HPSE2: variants seen among roughly 807,000 people sequenced by gnomAD.
HPSE2 encodes the protein heparanase 2 (inactive).
Under a neutral mutation model 60.5 loss-of-function variants are expected in HPSE2, and 38 were observed. The observed-to-expected ratio is 0.63, with a 90% confidence interval of 0.48 to 0.82. HPSE2 has a LOEUF of 0.82. HPSE2 is among the 40% of genes least tolerant of loss of function. The pLI, the probability that HPSE2 is intolerant of heterozygous loss-of-function variation, is 0.00. For synonymous variants in HPSE2, 295 were observed against 293.2 expected, an observed-to-expected ratio of 1.01 and a Z score of -0.06; for missense variants, 713 against 740.4, an observed-to-expected ratio of 0.96 and a Z score of 0.43.
At chr10:98,873,041 C>T (rs1952776677) in intron 3 of HPSE2, among the ~76,000 whole-genome samples, 1 of 152,058 alleles carries the variant, frequency 6.6e-6, no homozygotes, top group Non-Finnish European at 1.5e-5. Flanking sequence ...ACTTGGTCAT[C>T]TTAGAGCCAT....
In HPSE2 at chr10:98,619,877, T is replaced by C. The variant is rs192138159; in HGVS notation, c.1205+725A>G. On this transcript the variant is annotated intron_variant, in intron 8 of 11. Coordinates refer to ENST00000370552, the MANE Select transcript of HPSE2 (RefSeq NM_021828.5). ...TCATTTTTCTTTTGTAGACAGACCATGTGAGGAAGAAAGGCAGGTGGTCTA... is the reference window on the plus strand; with the variant it reads ...TCATTTTTCTTTTGTAGACAGACCACGTGAGGAAGAAAGGCAGGTGGTCTA... 2.0e-3 allele frequency among the ~76,000 whole-genome samples: 303 copies of C among 152,332 alleles called. 2 individuals are homozygous for C. Among genetic ancestry groups the C allele is most frequent in the Non-Finnish European group, 2.0e-3 (138 of 68,014 alleles).
At chr10:98,662,438 A>G (rs1176983379) in intron 6 of HPSE2, among the ~76,000 whole-genome samples, 1 of 152,244 alleles carries the variant, frequency 6.6e-6, no homozygotes, top group East Asian at 1.9e-4. Flanking sequence ...CATCATCCTT[A>G]GCAAACAAAC....
At chr10:98,566,966 T>C (rs1463008588) in intron 9 of HPSE2, among the ~76,000 whole-genome samples, 1 of 152,180 alleles carries the variant, frequency 6.6e-6, no homozygotes, top group Non-Finnish European at 1.5e-5. Context: ...CCCAAGGAAG[T>C]AGTGAGTTCT....
chr10:99,240,660 C>A (rs150664850), upstream of HPSE2, among the ~76,000 whole-genome samples: 1 of 152,140 alleles, frequency 6.6e-6, no homozygotes, highest in African/African-American at 2.4e-5. Flanking sequence ...GATCTGCCCG[C>A]CTCGGCTTCC....
intron 3 of HPSE2, among the ~76,000 whole-genome samples, chr10:98,753,447 T>C (rs1212101032): frequency 6.6e-6 from 1 of 152,076 alleles, no homozygotes; most frequent in Non-Finnish European, 1.5e-5. Flanking sequence ...TACTTGTACA[T>C]CAATGTTAAT....
intron 3 of HPSE2, among the ~76,000 whole-genome samples, chr10:99,082,629 C>T (rs750042773): frequency 6.6e-6 from 1 of 152,136 alleles, no homozygotes; most frequent in Admixed American, 6.5e-5. Context: ...TTCACTAGAA[C>T]GTTGGCTCCA....
chr10:98,982,561 A>C (rs959485142), intron 3 of HPSE2, among the ~76,000 whole-genome samples: 2 of 152,304 alleles, frequency 1.3e-5, no homozygotes, highest in East Asian at 3.9e-4. Context: ...GGAGCTTTTA[A>C]GCAGCTAAAA....
At chr10:99,061,317 A>G (rs932689964) in intron 3 of HPSE2, among the ~76,000 whole-genome samples, 9 of 152,206 alleles carry the variant, frequency 5.9e-5, no homozygotes, top group African/African-American at 2.2e-4. Context: ...CCCCTACACC[A>G]AGTCCTCAAG....
intron 6 of HPSE2, among the ~76,000 whole-genome samples, chr10:98,667,398 G>A (rs1947392658): frequency 6.6e-6 from 1 of 151,984 alleles, no homozygotes; most frequent in Non-Finnish European, 1.5e-5. Flanking sequence ...AAAAATAAAG[G>A]CGGAGGATCT....
chr10:98,495,398 T>C (rs1227071459), intron 9 of HPSE2, among the ~76,000 whole-genome samples: 1 of 152,200 alleles, frequency 6.6e-6, no homozygotes, highest in Non-Finnish European at 1.5e-5. Context: ...ATTGAGCTTC[T>C]TGGATGTTTA....
intron 3 of HPSE2, among the ~76,000 whole-genome samples, chr10:99,111,056 T>C (rs1487152889): frequency 6.6e-6 from 1 of 152,132 alleles, no homozygotes; most frequent in Non-Finnish European, 1.5e-5. Context: ...TCTGGTGCCA[T>C]GTGTCAAAAA....
rs56393224 is a variant in HPSE2 at position 99,168,087 on chromosome 10, TACACACACAC to T, written c.449-23698_449-23689del. Among the ~76,000 whole-genome samples, 644 of 144,332 alleles carry T rather than the reference TACACACACAC, an allele frequency of 4.5e-3. 3 individuals carry two copies. The highest frequency in any genetic ancestry group is 6.9e-3 in the Middle Eastern group (2 of 288). 94.7% of individuals were successfully genotyped at this position (144,332 alleles called of 152,430 possible). On this transcript the variant is annotated intron_variant, in intron 2 of 11. Transcript: ENST00000370552. ...CATCTATTGAGGTGATCAGCCTATTTACACACACACACACACACACACACACACACACACA... is the reference window on the plus strand; with the variant it reads ...CATCTATTGAGGTGATCAGCCTATTTACACACACACACACACACACACACA...
At chr10:98,960,322 T>C (rs547560082) in intron 3 of HPSE2, among the ~76,000 whole-genome samples, 3 of 152,304 alleles carry the variant, frequency 2.0e-5, no homozygotes, top group Admixed American at 6.5e-5. Context: ...ACTACCTAGA[T>C]AGAATTTAAT....
chr10:98,960,701 C>CTTTTTTTTTTTTTTTTTTTTTTTTTT, intron 3 of HPSE2, among the ~76,000 whole-genome samples: 154 of 57,494 alleles, frequency 2.7e-3, no homozygotes, highest in Non-Finnish European at 3.1e-3. Context: ...ATGTACATTT[C>CTTTTTTTTTTTTTTTTTTTTTTTTTT]TTTTTTTTTT....
At chr10:99,051,523 G>C (rs1167158509) in intron 3 of HPSE2, among the ~76,000 whole-genome samples, 1 of 152,042 alleles carries the variant, frequency 6.6e-6, no homozygotes, top group African/African-American at 2.4e-5. Context: ...GGAAATCCAG[G>C]AGAAGAAAAA....
At chr10:98,467,533 G>A (rs1940589671) in intron 11 of HPSE2, among the ~76,000 whole-genome samples, 1 of 152,140 alleles carries the variant, frequency 6.6e-6, no homozygotes, top group South Asian at 2.1e-4. Flanking sequence ...GCAGGGGAGA[G>A]ATAAGTCCGA....
chr10:98,735,367 T>C (rs540913983), intron 4 of HPSE2, among the ~76,000 whole-genome samples: 22 of 140,956 alleles, frequency 1.6e-4, no homozygotes, highest in African/African-American at 5.6e-4. Flanking sequence ...AGAGGATGTA[T>C]AGAAATGCCT....
At chr10:98,966,825 G>A (rs1445367882) in intron 3 of HPSE2, among the ~76,000 whole-genome samples, 4 of 152,276 alleles carry the variant, frequency 2.6e-5, no homozygotes, top group Non-Finnish European at 4.4e-5. Flanking sequence ...TTCAGGTGAC[G>A]AATACCCTGA....
At chr10:98,870,490 G>A (rs887078858) in intron 3 of HPSE2, among the ~76,000 whole-genome samples, 2 of 152,148 alleles carry the variant, frequency 1.3e-5, no homozygotes, top group African/African-American at 4.8e-5. Flanking sequence ...AAAGGCCACT[G>A]GGACTTATTA....
Sources: allele counts gnomAD v4.1 joint callset (sites outside exome capture counted in the v4.1 genomes callset), GRCh38; gene constraint gnomAD v4.1.1; transcripts MANE v1.5; gene names NCBI Gene and HGNC (gene_info 2026-07-23, HGNC 2026-07-21).